EMC3: variants seen among roughly 807,000 people sequenced by gnomAD.
The protein encoded by EMC3 is 30 kDa protein.
Under a neutral mutation model 36.6 loss-of-function variants are expected in EMC3, and 13 were observed. The ratio of observed to expected loss-of-function variants is 0.35; its 90% CI spans 0.23 to 0.56. The LOEUF is 0.56. Among genes scored for constraint, EMC3 ranks in the 20% least tolerant of loss-of-function variants. The probability of loss-of-function intolerance (pLI) is 0.84; values close to 1 mark genes in which losing one functional copy is unlikely to be tolerated. For missense variants in EMC3, 220 were observed against 324.5 expected, an observed-to-expected ratio of 0.68 and a Z score of 2.47; for synonymous variants, 120 against 111.9, an observed-to-expected ratio of 1.07 and a Z score of -0.46.
Position 9,992,928 on chromosome 3 carries a change from A to G in EMC3, c.-241-6026T>C, listed in dbSNP as rs571356778. 12 of 1,611,808 alleles carry G rather than the reference A, an allele frequency of 7.4e-6. No individual in the cohort carries two copies. In the South Asian group the frequency reaches 1.3e-4, roughly 18 times the overall value. ...CACCAATACTCAGACAAAGAAGTAC[A>G]TTGAAAGGGTGCTAAGAAATAAGAT... On this transcript the variant is annotated intron_variant, in intron 1 of 8. Coordinates refer to the EMC3 transcript ENST00000470827.
chr3:10,001,129 C>T (rs990481162), intron 1 of EMC3, among the ~76,000 whole-genome samples: 9 of 152,008 alleles, frequency 5.9e-5, no homozygotes, highest in Admixed American at 1.3e-4. Flanking sequence ...CTTTGATCCA[C>T]TTTGAGTTAA....
upstream of EMC3, among the ~76,000 whole-genome samples, chr3:9,990,853 C>T (rs773067034): frequency 1.3e-5 from 2 of 150,188 alleles, no homozygotes; most frequent in African/African-American, 2.5e-5. Context: ...TTTTTTGAGA[C>T]GGAGTCTCGC....
chr3:9,978,153 A>T (rs1195837806), intron 1 of EMC3: 2 of 59,620 alleles, frequency 3.4e-5, no homozygotes, highest in Admixed American at 1.7e-4. Flanking sequence ...TCTAAAAAAA[A>T]AAAAAAAAAA....
At chr3:10,000,365 A>C (rs1242675069) in intron 1 of EMC3, among the ~76,000 whole-genome samples, 1 of 152,156 alleles carries the variant, frequency 6.6e-6, no homozygotes, top group Non-Finnish European at 1.5e-5. Flanking sequence ...GATGGCACTC[A>C]CCATCTTTGT....
chr3:9,973,428 T>G (rs370727399), intron 5 of EMC3, 200 bp downstream of exon 5: 1 of 560,030 alleles, frequency 1.8e-6, no homozygotes, highest in Non-Finnish European at 3.2e-6. Context: ...TCTCCTGATC[T>G]CATCATCTGC....
rs2085938498 is a variant in EMC3, at chr3:9,983,755, T to G, written c.155+2752A>C. Among the ~76,000 whole-genome samples the G allele has an allele frequency of 2.6e-5, 4 of 152,272 alleles. 1 individual carries two copies. The South Asian group carries it at 8.3e-4, about 32-fold the overall frequency. On this transcript the variant is annotated intron_variant, in intron 1 of 7. Transcript: ENST00000245046. Reference sequence around the variant, plus strand: ...ACAAAAGAGAGCTTTGGATCTGATATAATTCAGAACCATTGCTCTAATAGT... The same window carrying G: ...ACAAAAGAGAGCTTTGGATCTGATAGAATTCAGAACCATTGCTCTAATAGT...
intron 1 of EMC3, among the ~76,000 whole-genome samples, chr3:9,997,904 T>G (rs2086147617): frequency 6.6e-6 from 1 of 152,166 alleles, no homozygotes; most frequent in Admixed American, 6.5e-5. Flanking sequence ...TTCGGTTCTT[T>G]AGGGTATATA....
At chr3:9,976,758 T>C (rs2085854275) in intron 3 of EMC3, among the ~76,000 whole-genome samples, 199 bp downstream of exon 3, 1 of 152,082 alleles carries the variant, frequency 6.6e-6, no homozygotes, top group African/African-American at 2.4e-5. Context: ...CTTTATACAT[T>C]GGGGTTCTCA....
At chr3:10,000,706 G>T in intron 1 of EMC3, 3 of 470,892 alleles carry the variant, frequency 6.4e-6, no homozygotes, top group South Asian at 1.5e-5. Flanking sequence ...TCTTAATGCC[G>T]GCAAAGATCA....
At chr3:9,992,032 G>A (rs1041770601) in intron 1 of EMC3, among the ~76,000 whole-genome samples, 2 of 152,136 alleles carry the variant, frequency 1.3e-5, no homozygotes, top group Non-Finnish European at 2.9e-5. Context: ...ACCTCCTGCT[G>A]TGCAGCTTGG....
chr3:9,972,801 C>T (rs67762674), intron 5 of EMC3, among the ~76,000 whole-genome samples: 32,352 of 150,182 alleles, frequency 0.22, 4,023 homozygotes, highest in African/African-American at 0.34. Flanking sequence ...AAACTGATTC[C>T]AATGAAGTAT....
intron 1 of EMC3, among the ~76,000 whole-genome samples, chr3:10,001,405 C>CAAA (rs60785369): frequency 8.8e-5 from 7 of 79,648 alleles, no homozygotes; most frequent in African/African-American, 1.2e-4. Flanking sequence ...GCTAAAAATA[C>CAAA]AAAAAAAAAA....
chr3:9,988,104 C>G, upstream of EMC3: 1 of 556,206 alleles, frequency 1.8e-6, no homozygotes, highest in Admixed American at 3.1e-5. Context: ...ATACTTACAA[C>G]TACAAATAAT....
At chr3:9,971,885 A>T (rs2085789455) in intron 5 of EMC3, among the ~76,000 whole-genome samples, 1 of 152,134 alleles carries the variant, frequency 6.6e-6, no homozygotes, top group South Asian at 2.1e-4. Context: ...CCTCTTGTTT[A>T]TGCCAGTCTT....
Position 9,963,945 on chromosome 3 carries a change from G to A in EMC3, c.*124C>T. The A allele has an allele frequency of 3.3e-6, 5 of 1,507,706 alleles. No homozygotes were observed. The highest frequency in any genetic ancestry group is 4.5e-6 in the Non-Finnish European group (5 of 1,115,938). 93.4% of individuals were successfully genotyped at this position (1,507,706 alleles called of 1,614,324 possible). ...GGGAACCCAGCCCAGACAAGAACAA[G>A]CCTTGCTGCATGCCTGCCAGCTCGT... is the stretch of plus-strand genomic sequence containing the variant. On this transcript the variant is annotated 3_prime_UTR_variant, in exon 8 of 8. Transcript: ENST00000245046.
At chr3:9,977,587 G>T in intron 1 of EMC3, 141 bp from the exon 2 acceptor site, 1 of 629,032 alleles carries the variant, frequency 1.6e-6, no homozygotes, top group Non-Finnish European at 2.7e-6. Flanking sequence ...CAAAATACAA[G>T]TATCTTTAAA....
Position 9,970,591 on chromosome 3 carries a change from G to A in EMC3, c.565C>T (p.Gln189Ter). 1 of 1,614,018 alleles carries A rather than the reference G, an allele frequency of 6.2e-7. No homozygotes were observed. Among genetic ancestry groups the A allele is most frequent in the Non-Finnish European group, 8.5e-7 (1 of 1,179,978 alleles). Reference sequence around the variant, plus strand: ...CTGACATGCTTCTTACCATTATCTTGGCCCAGAATCAGAGAGTAAATGCTC... The same window carrying A: ...CTGACATGCTTCTTACCATTATCTTAGCCCAGAATCAGAGAGTAAATGCTC... Reference protein sequence around the residue: ...LRSIYSLILGQDNAADQSRMM... With the variant: ...LRSIYSLILG Residue 189 changes from glutamine to a stop codon, truncating the protein, a stop_gained, in exon 6 of 8, where the codon CAA (glutamine) becomes TAA (stop). Transcript: ENST00000245046. LOFTEE classifies it high-confidence loss of function.
In EMC3 at chr3:9,964,417, G is replaced by A. The variant is rs141076870; in HGVS notation, c.658-220C>T. 5.3e-3 allele frequency among the ~76,000 whole-genome samples: 801 copies of A among 152,304 alleles called. 4 individuals carry two copies. Among genetic ancestry groups the A allele is most frequent in the South Asian group, 0.011 (53 of 4,826 alleles). On this transcript the variant is annotated intron_variant, in intron 7 of 7. Transcript: ENST00000245046. Reference sequence around the variant, plus strand: ...TAGATAAGGAGACTAAGACTAAGAGGTCAAATAATTTGTTCAAGGCCACTG... The same window carrying A: ...TAGATAAGGAGACTAAGACTAAGAGATCAAATAATTTGTTCAAGGCCACTG...
At chr3:9,972,046 T>TG (rs1389946079) in intron 5 of EMC3, among the ~76,000 whole-genome samples, 3 of 152,068 alleles carry the variant, frequency 2.0e-5, no homozygotes, top group African/African-American at 7.2e-5. Context: ...GAAGGAGAAA[T>TG]CTCTTTTAAA....
Sources: allele counts gnomAD v4.1 joint callset (sites outside exome capture counted in the v4.1 genomes callset), GRCh38; gene constraint gnomAD v4.1.1; transcripts MANE v1.5; gene names NCBI Gene and HGNC (gene_info 2026-07-23, HGNC 2026-07-21).